NHSL1: variants seen among roughly 807,000 people sequenced by gnomAD.
The protein encoded by NHSL1 is NHS like 1.
NHSL1 carries 48 observed loss-of-function variants against 95.0 expected under a neutral mutation model. That is an observed-to-expected ratio of 0.51 (90% CI 0.40 to 0.64). NHSL1 has a LOEUF of 0.64. NHSL1 is among the 30% of genes least tolerant of loss of function. The pLI, the probability that NHSL1 is intolerant of heterozygous loss-of-function variation, is 0.00. For synonymous variants in NHSL1, 783 were observed against 833.9 expected, an observed-to-expected ratio of 0.94 and a Z score of 1.05; for missense variants, 1,971 against 2,077.7, an observed-to-expected ratio of 0.95 and a Z score of 1.00.
At chr6:138,554,920 G>C (rs534002038) in intron 1 of NHSL1, among the ~76,000 whole-genome samples, 38 of 152,298 alleles carry the variant, frequency 2.5e-4, no homozygotes, top group African/African-American at 8.9e-4. Flanking sequence ...CAGGAATAGT[G>C]AGTTACTTCA....
intron 3 of NHSL1, among the ~76,000 whole-genome samples, chr6:138,452,745 T>C (rs529575607): frequency 1.3e-5 from 2 of 152,300 alleles, no homozygotes; most frequent in South Asian, 4.1e-4. Context: ...CTGCAGCCTT[T>C]TGGCTATATG....
chr6:138,689,774 C>A (rs1227338477), intron 1 of NHSL1, among the ~76,000 whole-genome samples: 2 of 150,486 alleles, frequency 1.3e-5, no homozygotes, highest in African/African-American at 4.9e-5. Flanking sequence ...ACTTTGCTCC[C>A]CATTTCCACA....
At chr6:138,674,273 A>T (rs10457674) in intron 1 of NHSL1, among the ~76,000 whole-genome samples, 24,856 of 116,640 alleles carry the variant, frequency 0.21, 2,503 homozygotes, top group South Asian at 0.48. Flanking sequence ...TGTTGATATA[A>T]TTTTTTTAAT....
In NHSL1 at chr6:138,521,749, A is replaced by G. The variant is rs1781692628; in HGVS notation, c.16+23874T>C. ...GGAGAACCCGGAGGAAACAGTGGCT[A>G]GAAGATAATTAGATGGGCAAAGTGG... On this transcript the variant is annotated intron_variant, in intron 1 of 4. Coordinates refer to the NHSL1 transcript ENST00000342260. Among the ~76,000 whole-genome samples the G allele has an allele frequency of 2.0e-5, 3 of 152,186 alleles. No individual in the cohort carries two copies. In the South Asian group the frequency reaches 6.2e-4, roughly 32 times the overall value.
At chr6:138,587,400 G>A (rs1784153344) in intron 1 of NHSL1, among the ~76,000 whole-genome samples, 1 of 150,928 alleles carries the variant, frequency 6.6e-6, no homozygotes. Context: ...TGGCCAACAT[G>A]GTGAAACCCC....
At chr6:138,678,847 A>G (rs1785479282) in intron 1 of NHSL1, among the ~76,000 whole-genome samples, 1 of 152,200 alleles carries the variant, frequency 6.6e-6, no homozygotes, top group African/African-American at 2.4e-5. Context: ...GTGTTACTAT[A>G]AATTATTAAT....
intron 3 of NHSL1, among the ~76,000 whole-genome samples, chr6:138,455,460 G>C (rs73774819): frequency 0.03 from 648 of 21,850 alleles, 13 homozygotes; most frequent in African/African-American, 0.035. Flanking sequence ...GAAATGAGCT[G>C]CAAGGAGCCC....
At position 138,424,505 on chromosome 6, in the gene NHSL1, C is replaced by A; in HGVS notation, c.4397G>T (p.Ser1466Ile). 1.3e-6 allele frequency: 2 copies of A among 1,551,694 alleles called. No homozygotes were observed. Among genetic ancestry groups the A allele is most frequent in the Non-Finnish European group, 1.7e-6 (2 of 1,146,984 alleles). Reference protein sequence around the residue: ...PSPDAPESPSSCSPSKNRRAQ... With the variant: ...PSPDAPESPSICSPSKNRRAQ... ...CCTTCTGTTCTTGCTTGGGGAGCAG[C>A]TTGACGGGCTCTCGGGGGCATCTGG... Residue 1466 changes from serine (S) to isoleucine (I), a missense_variant, in exon 8 of 8, where the codon AGC becomes ATC. By Grantham distance (142) the Ser-to-Ile change is moderately radical. Around this residue, in one of 3 missense-constraint regions of NHSL1, gnomAD observed 223 missense variants for 217.0 expected, o/e 1.03. Coordinates refer to ENST00000343505, the MANE Select transcript of NHSL1 (RefSeq NM_001144060.2). This position sits in a 1 kb window ranked among gnomAD's most constrained non-coding sequence, Gnocchi z 5.9.
At chr6:138,611,636 C>G (rs1324670699) in intron 1 of NHSL1, among the ~76,000 whole-genome samples, 2 of 152,064 alleles carry the variant, frequency 1.3e-5, no homozygotes, top group Non-Finnish European at 1.5e-5. Flanking sequence ...GTCCCAGCCA[C>G]TCGGGAGGCT....
intron 1 of NHSL1, 97 bp downstream of exon 1, chr6:138,499,134 GAC>G (rs55946895): frequency 0.056 from 34,205 of 614,192 alleles, 322 homozygotes; most frequent in Middle Eastern, 0.096. Flanking sequence ...CACACACATG[GAC>G]ACACACACAC....
At chr6:138,686,862 G>C (rs1785590905) in intron 1 of NHSL1, among the ~76,000 whole-genome samples, 1 of 152,174 alleles carries the variant, frequency 6.6e-6, no homozygotes, top group Non-Finnish European at 1.5e-5. Context: ...CTTTGGAAGG[G>C]TCTGGGAATC....
At chr6:138,643,828 T>A (rs550859976) in intron 1 of NHSL1, among the ~76,000 whole-genome samples, 2 of 151,788 alleles carry the variant, frequency 1.3e-5, no homozygotes, top group African/African-American at 4.8e-5. Context: ...GTGAAACCCA[T>A]CTCTACTAAA....
chr6:138,601,524 T>C lies in NHSL1; in HGVS notation c.96+90952A>G, dbSNP rs551167901. Among the ~76,000 whole-genome samples, 4 of 151,518 alleles carry C rather than the reference T, an allele frequency of 2.6e-5. No individual in the cohort carries two copies. In the South Asian group the frequency reaches 6.3e-4, roughly 24 times the overall value. On this transcript the variant is annotated intron_variant, in intron 1 of 3. Coordinates refer to the NHSL1 transcript ENST00000491526. ...AAATGATTAATACTGATTATAAGAG[T>C]TTTTCTTGCCCGGGCACGGTGGCTC...
Position 138,492,328 on chromosome 6 carries a change from A to G in NHSL1, c.211+3891T>C, listed in dbSNP as rs1009942154. ...TACAATGTACCTCATGCACACCTCC[A>G]TCACACTACTGCCTGTTTACTACCG... On this transcript the variant is annotated intron_variant, in intron 2 of 7. Coordinates refer to ENST00000343505, the MANE Select transcript of NHSL1 (RefSeq NM_001144060.2). Among the ~76,000 whole-genome samples, 4 of 152,178 alleles carry G rather than the reference A, an allele frequency of 2.6e-5. No homozygotes were observed. The South Asian group carries it at 8.3e-4, about 32-fold the overall frequency.
chr6:138,502,791 A>G (rs1780757254), upstream of NHSL1, among the ~76,000 whole-genome samples: 1 of 152,200 alleles, frequency 6.6e-6, no homozygotes. Context: ...AACAGTGTTT[A>G]TATCACCAGG....
intron 1 of NHSL1, among the ~76,000 whole-genome samples, chr6:138,498,788 G>C (rs1464890162): frequency 6.6e-6 from 1 of 152,130 alleles, no homozygotes; most frequent in East Asian, 1.9e-4. Flanking sequence ...ATCTCCACCA[G>C]AAATATGTGA....
intron 7 of NHSL1, among the ~76,000 whole-genome samples, chr6:138,425,937 G>C (rs1775235274): frequency 6.6e-6 from 1 of 151,018 alleles, no homozygotes; most frequent in Admixed American, 6.6e-5. Flanking sequence ...GTGGGGTGGG[G>C]TGGGGAAGAC....
chr6:138,486,773 C>T (rs1330071644), intron 2 of NHSL1, among the ~76,000 whole-genome samples: 1 of 152,246 alleles, frequency 6.6e-6, no homozygotes, highest in Non-Finnish European at 1.5e-5. Flanking sequence ...TGGGGACACA[C>T]AAGTGAAAAG....
upstream of NHSL1, chr6:138,499,588 T>A (rs56207206): frequency 0.47 from 148,654 of 315,436 alleles, 38,201 homozygotes; most frequent in Middle Eastern, 0.56. Context: ...GGTTCTTATT[T>A]GCATGACAGC....
Sources: allele counts gnomAD v4.1 joint callset (sites outside exome capture counted in the v4.1 genomes callset), GRCh38; gene constraint gnomAD v4.1.1; regional missense constraint gnomAD v4.1.1; non-coding constraint Gnocchi (gnomAD v3.1); transcripts MANE v1.5; gene names NCBI Gene and HGNC (gene_info 2026-07-23, HGNC 2026-07-21).